The following PHF2 variants were observed in gnomAD, a reference collection of about 807,000 sequenced individuals.
PHF2 encodes lysine-specific demethylase PHF2.
PHF2 carries 27 observed loss-of-function variants against 120.5 expected under a neutral mutation model. The ratio of observed to expected loss-of-function variants is 0.22; its 90% confidence interval spans 0.17 to 0.31. The LOEUF is 0.31. Ranked by LOEUF, PHF2 falls within the 10% of genes least tolerant of loss-of-function variation. The pLI, the probability that PHF2 is intolerant of heterozygous loss-of-function variation, is 1.00. For synonymous variants in PHF2, 568 were observed against 592.5 expected, an observed-to-expected ratio of 0.96 and a Z score of 0.60; for missense variants, 1,024 against 1,434.8, an observed-to-expected ratio of 0.71 and a Z score of 4.63.
intron 5 of PHF2, among the ~76,000 whole-genome samples, chr9:93,649,844 C>T (rs1261762346): frequency 2.6e-5 from 4 of 152,080 alleles, no homozygotes; most frequent in African/African-American, 4.8e-5. Context: ...CAGACACCAA[C>T]GTGTGGTGCA....
intron 1 of PHF2, among the ~76,000 whole-genome samples, chr9:93,605,412 C>T (rs945728641): frequency 2.0e-5 from 3 of 152,152 alleles, no homozygotes; most frequent in African/African-American, 7.2e-5. Flanking sequence ...AAAGTCAAAC[C>T]ATTACAATGT....
chr9:93,678,558 C>G lies in PHF2; in HGVS notation c.*882C>G, dbSNP rs1826964805. On this transcript the variant is annotated 3_prime_UTR_variant, in exon 22 of 22. Transcript: ENST00000359246. ...GCCCGAGGACTTACGGTCGGCACTT[C>G]TCTGTTCTCCCGTGTCAGCGTGTGG... 6.6e-6 allele frequency: 1 copy of G among 152,626 alleles called. No individual in the cohort carries two copies. The allele number at this position is 152,626 out of a possible 1,614,324, so 9.5% of individuals were successfully genotyped here.
chr9:93,669,045 G>A (rs1251472316), intron 17 of PHF2, among the ~76,000 whole-genome samples: 1 of 152,220 alleles, frequency 6.6e-6, no homozygotes, highest in African/African-American at 2.4e-5. Context: ...GATAATTGGT[G>A]GATTAAAAGT....
Position 93,667,249 on chromosome 9 carries a change from C to G in PHF2, c.2348+9C>G. The G allele has an allele frequency of 6.2e-7, 1 of 1,605,252 alleles. No homozygotes were observed. Among genetic ancestry groups the G allele is most frequent in the African/African-American group, 1.3e-5 (1 of 74,976 alleles). ...GAGTACAACCCCAGCAGGTGGGCCCCACCACCCGGCAGCACCCAAGAGCGG... is the reference window on the plus strand; with the variant it reads ...GAGTACAACCCCAGCAGGTGGGCCCGACCACCCGGCAGCACCCAAGAGCGG... On this transcript the variant is annotated intron_variant, in intron 17 of 21. Transcript: ENST00000359246.
At chr9:93,658,321 G>A (rs1261066900) in intron 10 of PHF2, 85 bp downstream of exon 10, 2 of 1,020,188 alleles carry the variant, frequency 2.0e-6, no homozygotes, top group Admixed American at 3.9e-5. Flanking sequence ...GCAATGTCCA[G>A]GACTTGTCCT....
At chr9:93,604,121 T>C (rs1310268630) in intron 1 of PHF2, among the ~76,000 whole-genome samples, 1 of 152,170 alleles carries the variant, frequency 6.6e-6, no homozygotes, top group African/African-American at 2.4e-5. Context: ...GAGGGGATTC[T>C]GAGATGGGGA....
chr9:93,577,964 C>T (rs554038873), intron 1 of PHF2, among the ~76,000 whole-genome samples: 4 of 152,290 alleles, frequency 2.6e-5, no homozygotes, highest in South Asian at 2.1e-4. Flanking sequence ...CCCAAACCAC[C>T]GGCAGCAAGC....
At chr9:93,663,372 G>A (rs1039427902) in intron 13 of PHF2, 145 bp from the exon 14 acceptor site, 9 of 677,490 alleles carry the variant, frequency 1.3e-5, no homozygotes, top group East Asian at 2.5e-5. Flanking sequence ...TGAGCACCCC[G>A]CAGTGGCCCG....
chr9:93,621,671 T>C (rs1312418424), intron 1 of PHF2, among the ~76,000 whole-genome samples: 3 of 152,216 alleles, frequency 2.0e-5, no homozygotes, highest in African/African-American at 7.2e-5. Flanking sequence ...CTCTGAGTCC[T>C]TGTGCTGGCC....
At chr9:93,634,404 C>T (rs550421900) in intron 2 of PHF2, among the ~76,000 whole-genome samples, 5 of 152,250 alleles carry the variant, frequency 3.3e-5, no homozygotes, top group East Asian at 3.9e-4. Flanking sequence ...CCTCTAGGGC[C>T]GGCCTTGGCC....
At chr9:93,637,677 C>T (rs117377428) in intron 3 of PHF2, among the ~76,000 whole-genome samples, 3,420 of 152,332 alleles carry the variant, frequency 0.022, 82 homozygotes, top group East Asian at 0.1. Context: ...CATAGGTACT[C>T]TGTCTATCCA....
intron 1 of PHF2, among the ~76,000 whole-genome samples, chr9:93,620,931 T>A (rs1439494052): frequency 3.3e-5 from 5 of 152,272 alleles, no homozygotes; most frequent in Non-Finnish European, 5.9e-5. Context: ...TGGCCCCTAA[T>A]GGAGCTCACT....
Position 93,677,446 on chromosome 9 carries a change from G to A in PHF2, c.3203-142G>A, listed in dbSNP as rs76780171. 3,668 of 692,456 alleles carry A rather than the reference G, an allele frequency of 5.3e-3. 74 individuals are homozygous for A. The highest frequency in any genetic ancestry group is 0.048 in the African/African-American group (2,670 of 55,986). The allele number at this position is 692,456 out of a possible 1,614,324, so 42.9% of individuals were successfully genotyped here. ...CCTGAAGGGTGCTGAGCTCGGAGCT[G>A]GGGCTTCATAGGCCCATTTTACAGA... On this transcript the variant is annotated intron_variant, in intron 21 of 21. Coordinates refer to ENST00000359246, the MANE Select transcript of PHF2 (RefSeq NM_005392.4). This position sits in a 1 kb window ranked among gnomAD's most constrained non-coding sequence, Gnocchi z 4.4.
rs150933903 is a variant in PHF2, at chr9:93,636,454, G to A, written c.228G>A (p.Ala76=). Residue 76 remains alanine (A), a synonymous_variant, in exon 3 of 22, where the codon GCG becomes GCA. Coordinates refer to ENST00000359246, the MANE Select transcript of PHF2 (RefSeq NM_005392.4). ...RTWHKHGPGQ[A]PDVKPVQNGS... The stretch of plus-strand genomic sequence containing the variant: ...GGCACAAACACGGCCCGGGGCAAGC[G>A]CCTGACGTCAAGCCCGTGCAGAATG... 553 of 1,610,366 alleles carry A rather than the reference G, an allele frequency of 3.4e-4. No homozygotes were observed. The African/African-American group carries it at 5.8e-3, about 17-fold the overall frequency.
Position 93,645,827 on chromosome 9 carries a change from G to A in PHF2, c.460+38G>A, listed in dbSNP as rs773103966. Reference sequence around the variant, plus strand: ...CCCTTCACAGTGCTCTGGGGCTGGAGCTGGGAGTGCTGGGACACCCACCAC... The same window carrying A: ...CCCTTCACAGTGCTCTGGGGCTGGAACTGGGAGTGCTGGGACACCCACCAC... On this transcript the variant is annotated intron_variant, in intron 4 of 21. Coordinates refer to ENST00000359246, the MANE Select transcript of PHF2 (RefSeq NM_005392.4). The A allele has an allele frequency of 3.9e-6, 6 of 1,527,654 alleles. No homozygotes were observed. The African/African-American group carries it at 6.9e-5, about 18-fold the overall frequency. 94.6% of individuals were successfully genotyped at this position (1,527,654 alleles called of 1,614,324 possible). A position where few individuals can be genotyped will look rare whatever the true frequency, so the allele number is the denominator to read the frequency against.
chr9:93,638,189 A>G (rs770402942), intron 3 of PHF2, among the ~76,000 whole-genome samples: 13 of 151,560 alleles, frequency 8.6e-5, no homozygotes, highest in Non-Finnish European at 1.3e-4. Context: ...TACAAGCCCC[A>G]TTACCTGATA....
intron 1 of PHF2, among the ~76,000 whole-genome samples, chr9:93,604,124 G>A (rs1385949180): frequency 6.6e-6 from 1 of 152,156 alleles, no homozygotes; most frequent in African/African-American, 2.4e-5. Flanking sequence ...GGGATTCTGA[G>A]ATGGGGACAC....
intron 1 of PHF2, among the ~76,000 whole-genome samples, chr9:93,589,765 C>T (rs1340727893): frequency 1.3e-5 from 2 of 152,190 alleles, no homozygotes; most frequent in African/African-American, 4.8e-5. Context: ...GCGTGCCTCT[C>T]CCCTGTCTCC....
chr9:93,618,201 G>A (rs1056700600), intron 1 of PHF2, among the ~76,000 whole-genome samples: 2 of 152,248 alleles, frequency 1.3e-5, no homozygotes, highest in African/African-American at 4.8e-5. Flanking sequence ...AGCCAGCATG[G>A]CCTCATCTGG....
Sources: allele counts gnomAD v4.1 joint callset (sites outside exome capture counted in the v4.1 genomes callset), GRCh38; gene constraint gnomAD v4.1.1; non-coding constraint Gnocchi (gnomAD v3.1); transcripts MANE v1.5; gene names NCBI Gene and HGNC (gene_info 2026-07-23, HGNC 2026-07-21).